The following FRMD5 variants were observed in gnomAD, a reference collection of about 807,000 sequenced individuals.
The protein encoded by FRMD5 is FERM domain-containing protein 5.
Under a neutral mutation model 69.0 loss-of-function variants are expected in FRMD5, and 20 were observed. The observed-to-expected ratio is 0.29, with a 90% CI of 0.20 to 0.42. The LOEUF (loss-of-function observed/expected upper bound fraction) is 0.42. Among genes scored for constraint, FRMD5 ranks in the 10% least tolerant of loss-of-function variants. The pLI is 1.00. For missense variants in FRMD5, 595 were observed against 708.6 expected (o/e 0.84, Z 1.82); for synonymous variants, 271 against 260.1 (o/e 1.04, Z -0.40).
At chr15:44,169,466 T>A (rs1217811256) in intron 1 of FRMD5, among the ~76,000 whole-genome samples, 2 of 151,904 alleles carry the variant, frequency 1.3e-5, no homozygotes, top group South Asian at 4.2e-4. Context: ...TAGAGAGAAG[T>A]GAAGCTCCTA....
chr15:44,153,680 T>G (rs1470707641), intron 1 of FRMD5, among the ~76,000 whole-genome samples: 1 of 152,220 alleles, frequency 6.6e-6, no homozygotes, highest in Non-Finnish European at 1.5e-5. Flanking sequence ...CATTTTAAAA[T>G]GGTTAAGGCC....
intron 1 of FRMD5, among the ~76,000 whole-genome samples, chr15:44,107,815 G>A (rs1230151389): frequency 1.3e-5 from 2 of 152,168 alleles, no homozygotes; most frequent in Admixed American, 1.3e-4. Flanking sequence ...GTGCTAGGGT[G>A]GTAGAATTAC....
At chr15:44,026,375 G>A (rs1447649356) in intron 1 of FRMD5, among the ~76,000 whole-genome samples, 1 of 152,072 alleles carries the variant, frequency 6.6e-6, no homozygotes, top group Non-Finnish European at 1.5e-5. Context: ...CCTATTCTAC[G>A]ATTTAAAATA....
chr15:44,079,713 T>C (rs1385081066), intron 1 of FRMD5, among the ~76,000 whole-genome samples: 1 of 152,126 alleles, frequency 6.6e-6, no homozygotes, highest in African/African-American at 2.4e-5. Context: ...ACAATCCAAA[T>C]GTCCATTGAC....
rs527451219 is a variant in FRMD5, at chr15:44,066,413, C to T, written c.102+128540G>A. Among the ~76,000 whole-genome samples, 3 of 152,174 alleles carry T rather than the reference C, an allele frequency of 2.0e-5. No homozygotes were observed. The East Asian group carries it at 5.8e-4, about 29-fold the overall frequency. On this transcript the variant is annotated intron_variant, in intron 1 of 13. Transcript: ENST00000417257. ...TGATAGGGATTCAAAGATTGGAGAG[C>T]GCCCTCTGGTGGAAGGGGAAGAGAT...
At chr15:43,890,775 C>T (rs556793123) in intron 8 of FRMD5, among the ~76,000 whole-genome samples, 23 of 152,278 alleles carry the variant, frequency 1.5e-4, no homozygotes, top group African/African-American at 5.1e-4. Flanking sequence ...CCTGGGGAGT[C>T]GAGTTTCCTG....
At chr15:44,028,344 C>A (rs572911104) in intron 1 of FRMD5, among the ~76,000 whole-genome samples, 1 of 152,228 alleles carries the variant, frequency 6.6e-6, no homozygotes, top group Admixed American at 6.5e-5. Flanking sequence ...CCAGACTATG[C>A]GAGATGGAAG....
intron 1 of FRMD5, among the ~76,000 whole-genome samples, chr15:43,992,569 G>T (rs921166379): frequency 3.9e-5 from 6 of 151,966 alleles, no homozygotes; most frequent in Admixed American, 3.3e-4. Flanking sequence ...GTAGAGACAG[G>T]GTTTCACCAC....
chr15:43,992,584 G>C (rs1889737032), intron 1 of FRMD5, among the ~76,000 whole-genome samples: 1 of 152,060 alleles, frequency 6.6e-6, no homozygotes, highest in Admixed American at 6.5e-5. Context: ...CACCACATTG[G>C]CCAGACTGGT....
intron 2 of FRMD5, among the ~76,000 whole-genome samples, chr15:43,923,639 G>A (rs2089534324): frequency 6.6e-6 from 1 of 152,214 alleles, no homozygotes; most frequent in Non-Finnish European, 1.5e-5. Context: ...AAATAGGCAG[G>A]GGCCTGAGAT....
intron 1 of FRMD5, among the ~76,000 whole-genome samples, chr15:44,039,822 G>T (rs1892107381): frequency 6.6e-6 from 1 of 152,112 alleles, no homozygotes; most frequent in Non-Finnish European, 1.5e-5. Flanking sequence ...GATGGAGAAT[G>T]AGTTTGACGA....
intron 1 of FRMD5, among the ~76,000 whole-genome samples, chr15:44,068,316 T>C (rs1167217713): frequency 6.6e-6 from 1 of 152,180 alleles, no homozygotes; most frequent in Admixed American, 6.5e-5. Flanking sequence ...TTATACATGA[T>C]AGCCAAAAAG....
intron 1 of FRMD5, among the ~76,000 whole-genome samples, chr15:44,084,247 C>A (rs896199857): frequency 6.6e-5 from 10 of 152,054 alleles, no homozygotes; most frequent in South Asian, 6.2e-4. Flanking sequence ...ATTATACATA[C>A]CCCCTGTTTT....
intron 1 of FRMD5, among the ~76,000 whole-genome samples, chr15:43,927,990 A>T (rs192912856): frequency 6.6e-6 from 1 of 152,310 alleles, no homozygotes; most frequent in African/African-American, 2.4e-5. Context: ...AAGAACCCTG[A>T]ACTTGGTAGA....
intron 4 of FRMD5, among the ~76,000 whole-genome samples, chr15:43,916,527 G>C (rs958368921): frequency 6.6e-6 from 1 of 152,198 alleles, no homozygotes; most frequent in Non-Finnish European, 1.5e-5. Flanking sequence ...GTATTAAGAA[G>C]TGTAAGAGGC....
chr15:44,040,636 G>C (rs1892144543), intron 1 of FRMD5, among the ~76,000 whole-genome samples: 3 of 152,040 alleles, frequency 2.0e-5, no homozygotes, highest in Admixed American at 2.0e-4. Flanking sequence ...GTCACCACCA[G>C]GCCTGCCTTA....
chr15:43,891,955 C>A (rs2088803529), intron 8 of FRMD5, 26 bp downstream of exon 8: 2 of 1,591,222 alleles, frequency 1.3e-6, no homozygotes, highest in African/African-American at 1.3e-5. Flanking sequence ...ATATAAAGAG[C>A]CTATTTTGGA....
chr15:44,008,193 G>T (rs747459744), intron 1 of FRMD5, among the ~76,000 whole-genome samples: 3 of 144,636 alleles, frequency 2.1e-5, no homozygotes, highest in Non-Finnish European at 4.5e-5. Context: ...TCATTTTTCT[G>T]AAGTGCTGGG....
At chr15:44,057,462 G>A (rs1892920457) in intron 1 of FRMD5, among the ~76,000 whole-genome samples, 1 of 152,194 alleles carries the variant, frequency 6.6e-6, no homozygotes, top group African/African-American at 2.4e-5. Context: ...ATATGTACTT[G>A]CTGAATAACC....
Sources: allele counts gnomAD v4.1 joint callset (sites outside exome capture counted in the v4.1 genomes callset), GRCh38; gene constraint gnomAD v4.1.1; transcripts MANE v1.5; gene names NCBI Gene and HGNC (gene_info 2026-07-23, HGNC 2026-07-21).